DOCK11: variants seen among roughly 807,000 people sequenced by gnomAD.
The protein encoded by DOCK11 is dedicator of cytokinesis 11.
A neutral mutation model predicts 169.1 loss-of-function variants in DOCK11; 70 were observed. The observed-to-expected ratio is 0.41, with a 90% CI of 0.34 to 0.51. The LOEUF (loss-of-function observed/expected upper bound fraction) is 0.51. DOCK11 is among the 20% of genes least tolerant of loss of function. The pLI is 0.10. For synonymous variants in DOCK11, 529 were observed against 541.3 expected (o/e 0.98, Z 0.32); for missense variants, 1,166 against 1,538.8 (o/e 0.76, Z 4.05).
chrX:118,635,996 T>C (rs1049556703), intron 35 of DOCK11, among the ~76,000 whole-genome samples: 5 of 111,416 alleles, frequency 4.5e-5, no homozygotes, highest in African/African-American at 1.6e-4. Context: ...TGGCATAAAA[T>C]TTTAGGGAGT....
At position 118,542,947 on chromosome X, in the gene DOCK11, C is replaced by T. The variant is rs45590139; in HGVS notation, c.241C>T (p.Arg81Cys). Residue 81 changes from arginine to cysteine, a missense_variant, in exon 3 of 53, where the codon CGC becomes TGC. Arg to Cys is a radical substitution (Grantham distance 180, BLOSUM62 -3). Coordinates refer to ENST00000276202, the MANE Select transcript of DOCK11 (RefSeq NM_144658.4). ...CTAGATCTCGGTGATAGGTCGTCAA[C>T]GCAGAACGGTGCAGTCTACTGTACC... is the stretch of plus-strand genomic sequence containing the variant. Reference protein sequence around the residue: ...DISISVIGRQRRTVQSTVPED... With the variant: ...DISISVIGRQCRTVQSTVPED... The T allele has an allele frequency of 1.4e-4, 169 of 1,207,942 alleles. No individual in the cohort carries two copies. In the Middle Eastern group the frequency reaches 1.8e-3, roughly 13 times the overall value.
Position 118,669,981 on chromosome X carries a change from C to T in DOCK11, c.5077-1042C>T, listed in dbSNP as rs745784374. Among the ~76,000 whole-genome samples the T allele has an allele frequency of 5.4e-5, 6 of 111,299 alleles. No individual in the cohort carries two copies. In the East Asian group the frequency reaches 1.4e-3, roughly 26 times the overall value. On this transcript the variant is annotated intron_variant, in intron 45 of 52. Transcript: ENST00000276202. ...GATACCAGTCATATTGGATTGGGGC[C>T]CACCCTACTCCAGTATTGCTTCATC...
chrX:118,525,823 GAA>G (rs66726131), intron 1 of DOCK11, among the ~76,000 whole-genome samples: 2 of 107,569 alleles, frequency 1.9e-5, no homozygotes, highest in Admixed American at 9.9e-5. Context: ...AACAGAAAAG[GAA>G]AAAAAAAGAA....
chrX:118,597,878 A>T, intron 21 of DOCK11, 152 bp from the exon 22 acceptor site: 1 of 383,219 alleles, frequency 2.6e-6, no homozygotes, highest in Non-Finnish European at 4.4e-6. Context: ...TTTATGATAC[A>T]TTTATTCTAA....
chrX:118,625,005 C>T (rs764618390), intron 32 of DOCK11, among the ~76,000 whole-genome samples: 5 of 110,079 alleles, frequency 4.5e-5, no homozygotes. Context: ...AGGAATCCTC[C>T]CCTCTCAGCC....
chrX:118,652,921 A>G (rs1257323777), intron 42 of DOCK11, among the ~76,000 whole-genome samples: 1 of 112,286 alleles, frequency 8.9e-6, no homozygotes, highest in Admixed American at 9.4e-5. Context: ...CTAAGTACCA[A>G]AAAATATTCC....
chrX:118,496,316 G>A (rs1445916278), intron 1 of DOCK11, among the ~76,000 whole-genome samples: 2 of 112,444 alleles, frequency 1.8e-5, no homozygotes, highest in East Asian at 2.9e-4. Context: ...GGCAAAAGCC[G>A]GGCTCGGACG....
intron 47 of DOCK11, 117 bp from the exon 48 acceptor site, chrX:118,676,474 T>C (rs1802190031): frequency 2.5e-6 from 1 of 395,534 alleles, no homozygotes; most frequent in Admixed American, 5.3e-5. Flanking sequence ...GGACTTTTAG[T>C]AATATTATTC....
intron 44 of DOCK11, among the ~76,000 whole-genome samples, chrX:118,657,584 A>G (rs1177637860): frequency 8.9e-6 from 1 of 111,877 alleles, no homozygotes; most frequent in Non-Finnish European, 1.9e-5. Flanking sequence ...AAAAGTCCTC[A>G]GGGTTTTCCC....
At chrX:118,562,466 A>G in intron 7 of DOCK11, among the ~76,000 whole-genome samples, 1 of 111,103 alleles carries the variant, frequency 9.0e-6, no homozygotes, top group Non-Finnish European at 1.9e-5. Flanking sequence ...ACTTCCTAAG[A>G]TATAGTTTGG....
intron 1 of DOCK11, among the ~76,000 whole-genome samples, chrX:118,531,565 A>G (rs866642408): frequency 6.5e-5 from 6 of 92,133 alleles, no homozygotes; most frequent in Non-Finnish European, 1.0e-4. Flanking sequence ...ATATATATAT[A>G]TTGTTTTTTT....
intron 7 of DOCK11, 129 bp from the exon 8 acceptor site, chrX:118,565,876 A>G (rs1336436038): frequency 1.6e-6 from 1 of 633,507 alleles, no homozygotes; most frequent in African/African-American, 2.3e-5. Flanking sequence ...TACTGAAAGA[A>G]GCAGTTATTT....
chrX:118,666,888 C>T (rs1603179520), intron 45 of DOCK11, among the ~76,000 whole-genome samples: 1 of 111,824 alleles, frequency 8.9e-6, no homozygotes, highest in Admixed American at 9.5e-5. Flanking sequence ...TATTGCTGAT[C>T]TTTTTAAATT....
At chrX:118,663,849 A>G (rs2016279963) in intron 45 of DOCK11, among the ~76,000 whole-genome samples, 1 of 108,177 alleles carries the variant, frequency 9.2e-6, no homozygotes, top group Non-Finnish European at 1.9e-5. Flanking sequence ...TAATTTTTGT[A>G]TTTTTAGTAG....
At chrX:118,534,854 A>G (rs1396403575) in intron 1 of DOCK11, among the ~76,000 whole-genome samples, 2 of 111,899 alleles carry the variant, frequency 1.8e-5, no homozygotes, top group Admixed American at 9.5e-5. Context: ...TCCCTTGACA[A>G]TAGCGTACTG....
chrX:118,532,307 CTTA>C (rs1216232927), intron 1 of DOCK11, among the ~76,000 whole-genome samples: 1 of 111,225 alleles, frequency 9.0e-6, no homozygotes, highest in Non-Finnish European at 1.9e-5. Context: ...ATAATTACAA[CTTA>C]TTAATAGGAG....
In DOCK11 at chrX:118,516,018, T is replaced by TATATATATACATACACACACAC. The variant is rs1269373292; in HGVS notation, c.102+19946_102+19947insTATATATACATACACACACACA. 8.6e-5 allele frequency among the ~76,000 whole-genome samples: 7 copies of TATATATATACATACACACACAC among 81,501 alleles called. 1 individual carries two copies. The highest frequency in any genetic ancestry group is 3.7e-4 in the African/African-American group (7 of 19,112). 70.8% of individuals were successfully genotyped at this position (81,501 alleles called of 115,157 possible). On this transcript the variant is annotated intron_variant, in intron 1 of 52. Coordinates refer to ENST00000276202, the MANE Select transcript of DOCK11 (RefSeq NM_144658.4). ...GGATTTGGGCAAATATATATATATATACATTCTTACACCAGAAAACTGTGC... is the reference window on the plus strand; with the variant it reads ...GGATTTGGGCAAATATATATATATATATATATATACATACACACACACACATTCTTACACCAGAAAACTGTGC...
At chrX:118,682,489 G>A (rs967881395) in intron 51 of DOCK11, among the ~76,000 whole-genome samples, 2 of 111,327 alleles carry the variant, frequency 1.8e-5, no homozygotes, top group Admixed American at 9.6e-5. Flanking sequence ...TTAATGCCTG[G>A]TACATGCAAA....
At chrX:118,636,658 G>A (rs907099108) in intron 36 of DOCK11, among the ~76,000 whole-genome samples, 20 of 112,391 alleles carry the variant, frequency 1.8e-4, no homozygotes, top group African/African-American at 6.1e-4. Flanking sequence ...CCAGCAAAAG[G>A]CTTTCTGTGA....
Sources: gnomAD v4.1 joint callset for allele counts (sites outside exome capture counted in the v4.1 genomes callset) on GRCh38, gnomAD v4.1.1 for gene constraint, MANE v1.5 for transcripts, NCBI Gene and HGNC (gene_info 2026-07-23, HGNC 2026-07-21) for gene names.